The following DAAM1 variants were observed in gnomAD, a reference collection of about 807,000 sequenced individuals.
DAAM1 encodes dishevelled associated activator of morphogenesis 1.
DAAM1 carries 52 observed loss-of-function variants against 130.0 expected under a neutral mutation model. That is an observed-to-expected ratio of 0.40 (90% confidence interval 0.32 to 0.50). DAAM1 has a LOEUF of 0.50. Ranked by LOEUF, DAAM1 falls within the 20% of genes least tolerant of loss-of-function variation. The pLI is 0.61. For synonymous variants in DAAM1, 452 were observed against 444.5 expected (o/e 1.02, Z -0.21); for missense variants, 1,134 against 1,303.8 (o/e 0.87, Z 2.01).
At chr14:59,317,995 C>G (rs1884856511) in intron 4 of DAAM1, among the ~76,000 whole-genome samples, 1 of 152,138 alleles carries the variant, frequency 6.6e-6, no homozygotes, top group Non-Finnish European at 1.5e-5. Context: ...AACTGCAGCA[C>G]TTACTAGTCT....
In DAAM1 at chr14:59,289,672, A is replaced by G. The variant is rs1883630843; in HGVS notation, c.184-1545A>G. 2.6e-5 allele frequency among the ~76,000 whole-genome samples: 4 copies of G among 151,264 alleles called. No homozygotes were observed. The South Asian group carries it at 6.3e-4, about 24-fold the overall frequency. On this transcript the variant is annotated intron_variant, in intron 2 of 24. Coordinates refer to ENST00000360909, the MANE Select transcript of DAAM1 (RefSeq NM_001270520.2). ...ATAAATTGTTCTCCCAAAAAGACAT[A>G]TGCACTTGTATGTTCATTGCAGCAC... is the stretch of plus-strand genomic sequence containing the variant.
chr14:59,290,058 T>C (rs997764284), intron 2 of DAAM1, among the ~76,000 whole-genome samples: 2 of 152,042 alleles, frequency 1.3e-5, no homozygotes, highest in African/African-American at 4.8e-5. Context: ...TGGGATCATT[T>C]GTACACAAAG....
intron 1 of DAAM1, among the ~76,000 whole-genome samples, chr14:59,220,607 A>C (rs888986200): frequency 2.0e-5 from 3 of 152,202 alleles, no homozygotes; most frequent in African/African-American, 7.2e-5. Flanking sequence ...GCCATCTGCC[A>C]TCTGCAAGCT....
At chr14:59,239,287 GACAATTGGCTGCT>G (rs1416020164) in intron 1 of DAAM1, among the ~76,000 whole-genome samples, 1 of 152,078 alleles carries the variant, frequency 6.6e-6, no homozygotes, top group African/African-American at 2.4e-5. Context: ...CTATAATTAG[GACAATTGGCTGCT>G]ACCCAAATAG....
chr14:59,208,752 G>C (rs1345475756), intron 1 of DAAM1, among the ~76,000 whole-genome samples: 4 of 152,126 alleles, frequency 2.6e-5, no homozygotes, highest in Non-Finnish European at 4.4e-5. Context: ...TCTGGTGGGA[G>C]GTGTTTGGGT....
intron 1 of DAAM1, among the ~76,000 whole-genome samples, chr14:59,234,636 T>C (rs1372450573): frequency 3.3e-5 from 5 of 152,216 alleles, no homozygotes. Context: ...CTTGCCTGAT[T>C]GCCATGGCCA....
chr14:59,217,737 C>T (rs1034409859), intron 1 of DAAM1, among the ~76,000 whole-genome samples: 1 of 151,992 alleles, frequency 6.6e-6, no homozygotes, highest in African/African-American at 2.4e-5. Context: ...CTTTGAGAGG[C>T]CAAGGCGGGC....
At chr14:59,215,833 C>T (rs1316879268) in intron 1 of DAAM1, among the ~76,000 whole-genome samples, 2 of 152,142 alleles carry the variant, frequency 1.3e-5, no homozygotes, top group Non-Finnish European at 2.9e-5. Context: ...CAATTGATTG[C>T]TTTGGGTCAT....
chr14:59,348,784 A>G (rs1316578574), intron 17 of DAAM1, among the ~76,000 whole-genome samples: 1 of 152,036 alleles, frequency 6.6e-6, no homozygotes, highest in Non-Finnish European at 1.5e-5. Context: ...GATGTCCTCG[A>G]AGGTCTCAGA....
intron 2 of DAAM1, among the ~76,000 whole-genome samples, chr14:59,278,367 A>G (rs1212622856): frequency 1.3e-5 from 2 of 152,212 alleles, no homozygotes; most frequent in African/African-American, 4.8e-5. Flanking sequence ...TACAGCCTGA[A>G]TATGCTGGAC....
At chr14:59,233,096 C>G (rs1023337219) in intron 1 of DAAM1, among the ~76,000 whole-genome samples, 3 of 152,284 alleles carry the variant, frequency 2.0e-5, no homozygotes, top group African/African-American at 7.2e-5. Context: ...CTGCAATAAA[C>G]ATACATGTGC....
intron 3 of DAAM1, among the ~76,000 whole-genome samples, chr14:59,307,847 G>A (rs551735734): frequency 1.6e-4 from 25 of 152,298 alleles, no homozygotes; most frequent in Admixed American, 5.2e-4. Flanking sequence ...GACAGCTGGC[G>A]AGTCGAGGTC....
At chr14:59,220,317 C>G (rs1176391340) in intron 1 of DAAM1, among the ~76,000 whole-genome samples, 1 of 152,116 alleles carries the variant, frequency 6.6e-6, no homozygotes, top group Non-Finnish European at 1.5e-5. Flanking sequence ...ATAAGTGGCA[C>G]ATGGATTAAC....
chr14:59,284,975 A>G (rs1883377816), intron 2 of DAAM1, among the ~76,000 whole-genome samples: 1 of 152,076 alleles, frequency 6.6e-6, no homozygotes, highest in African/African-American at 2.4e-5. Flanking sequence ...ATGAGAAACT[A>G]TGCAGGGTAA....
At chr14:59,291,591 C>A (rs955879950) in intron 3 of DAAM1, 2 of 354,346 alleles carry the variant, frequency 5.6e-6, no homozygotes, top group East Asian at 1.5e-4. Context: ...CCCAACCCTG[C>A]GCTTTACATA....
At position 59,330,494 on chromosome 14, in the gene DAAM1, C is replaced by G. The variant is rs1487278103; in HGVS notation, c.1373-7C>G. The G allele has an allele frequency of 6.3e-7, 1 of 1,585,190 alleles. No individual in the cohort carries two copies. The highest frequency in any genetic ancestry group is 8.6e-7 in the Non-Finnish European group (1 of 1,168,532). Reference sequence around the variant, plus strand: ...CTGTTTTCATGTCCAATTGTTTTCTCGTGTAGAGCACAATGAGCTACAACA... The same window carrying G: ...CTGTTTTCATGTCCAATTGTTTTCTGGTGTAGAGCACAATGAGCTACAACA... On this transcript the variant is annotated splice_polypyrimidine_tract_variant and splice_region_variant and intron_variant, in intron 12 of 24. Transcript: ENST00000360909.
intron 3 of DAAM1, among the ~76,000 whole-genome samples, chr14:59,294,338 A>G (rs1237801180): frequency 1.3e-5 from 2 of 152,240 alleles, no homozygotes; most frequent in East Asian, 1.9e-4. Context: ...AAACTTCTCT[A>G]TCTATATCTC....
intron 1 of DAAM1, among the ~76,000 whole-genome samples, chr14:59,245,163 G>A (rs144663397): frequency 1.7e-3 from 254 of 152,320 alleles, no homozygotes; most frequent in Non-Finnish European, 3.0e-3. Context: ...TCCTTCAAAT[G>A]CAAAGACTAA....
intron 21 of DAAM1, 114 bp downstream of exon 21, chr14:59,359,618 G>A: frequency 2.8e-6 from 2 of 708,920 alleles, no homozygotes; most frequent in East Asian, 2.7e-5. Context: ...CCTGATCATT[G>A]TATGAAATAA....
Sources: gnomAD v4.1 joint callset for allele counts (sites outside exome capture counted in the v4.1 genomes callset) on GRCh38, gnomAD v4.1.1 for gene constraint, MANE v1.5 for transcripts, NCBI Gene and HGNC (gene_info 2026-07-23, HGNC 2026-07-21) for gene names.